The following PROKR2 variants were observed in gnomAD, a reference collection of about 807,000 sequenced individuals.
PROKR2 encodes the protein prokineticin receptor 2.
PROKR2 carries 26 observed loss-of-function variants against 23.4 expected under a neutral mutation model. That is an observed-to-expected ratio of 1.11 (90% CI 0.81 to 1.54). PROKR2 has a LOEUF of 1.54. PROKR2 is among the 40% of genes most tolerant of loss of function. PROKR2 has a pLI of 0.00. For synonymous variants in PROKR2, 212 were observed against 201.2 expected (o/e 1.05, Z -0.45); for missense variants, 453 against 511.5 (o/e 0.89, Z 1.10).
At chr20:5,310,415 C>T (rs1020004965) in intron 2 of PROKR2, among the ~76,000 whole-genome samples, 6 of 152,158 alleles carry the variant, frequency 3.9e-5, no homozygotes, top group Admixed American at 1.3e-4. Flanking sequence ...TCCCACCCTA[C>T]ATGTGTTAGG....
rs550790361 is a variant in PROKR2, at chr20:5,300,610, T to C, written c.*1430A>G. 6.6e-6 allele frequency among the ~76,000 whole-genome samples: 1 copy of C among 152,344 alleles called. No individual in the cohort carries two copies. The highest frequency in any genetic ancestry group is 2.4e-5 in the African/African-American group (1 of 41,578). The stretch of plus-strand genomic sequence containing the variant: ...AGTCTTGCAAGGTATGAAGAGCGGA[T>C]ATTTTCATCATCGCCATTTCATTAA... On this transcript the variant is annotated 3_prime_UTR_variant, in exon 3 of 3. Coordinates refer to ENST00000678254, the MANE Select transcript of PROKR2 (RefSeq NM_144773.4).
At chr20:5,314,858 A>G (rs1287539625) in intron 1 of PROKR2, among the ~76,000 whole-genome samples, 1 of 152,208 alleles carries the variant, frequency 6.6e-6, no homozygotes, top group African/African-American at 2.4e-5. Flanking sequence ...TGAGCTGGCC[A>G]GGCTCCTACA....
chr20:5,309,344 C>A (rs1316308002), intron 2 of PROKR2, among the ~76,000 whole-genome samples: 3 of 152,176 alleles, frequency 2.0e-5, no homozygotes, highest in African/African-American at 7.2e-5. Flanking sequence ...AAGATGTTGG[C>A]AAGGCAGCAT....
rs751081663 is a variant in PROKR2 at position 5,314,113 on chromosome 20, T to C, written c.257A>G (p.Asn86Ser). The change falls in exon 2 of 3, where the codon AAC becomes AGC. Residue 86 changes from asparagine (N) to serine (S), a missense_variant. Transcript: ENST00000678254. ...AALTRYKKLR[N>S]LTNLLIANLA... ...GTTGGCAATGAGCAGATTGGTGAGGTTGCGCAACTTCTTATAGCGGGTGAG... is the reference window on the plus strand; with the variant it reads ...GTTGGCAATGAGCAGATTGGTGAGGCTGCGCAACTTCTTATAGCGGGTGAG... 3 of 1,614,024 alleles carry C rather than the reference T, an allele frequency of 1.9e-6. No homozygotes were observed. Among genetic ancestry groups the C allele is most frequent in the South Asian group, 2.2e-5 (2 of 91,070 alleles).
intron 2 of PROKR2, among the ~76,000 whole-genome samples, chr20:5,309,287 G>A (rs150580447): frequency 3.9e-5 from 6 of 152,240 alleles, no homozygotes; most frequent in Admixed American, 6.5e-5. Context: ...ATTATGTTAC[G>A]GTTTTGGAGG....
intron 2 of PROKR2, 77 bp downstream of exon 2, chr20:5,313,835 G>C: frequency 8.2e-7 from 1 of 1,226,640 alleles, no homozygotes. Flanking sequence ...CTGGAGCAAT[G>C]TCAGCCTGTC....
chr20:5,304,171 G>A (rs1055582080), intron 2 of PROKR2, among the ~76,000 whole-genome samples: 2 of 152,136 alleles, frequency 1.3e-5, no homozygotes, highest in Non-Finnish European at 2.9e-5. Context: ...CACTTCAAGC[G>A]ACTGCTCTTA....
rs562925694 is a variant in PROKR2 at position 5,316,683 on chromosome 20, C to G, written c.-198G>C. Among the ~76,000 whole-genome samples the G allele has an allele frequency of 1.3e-5, 2 of 152,368 alleles. No homozygotes were observed. The highest frequency in any genetic ancestry group is 2.1e-4 in the South Asian group (1 of 4,830). Reference sequence around the variant, plus strand: ...GCGGGCTCCTCCGGCGTGTCAGGGTCTCTGGGTTCCAGCTGGAGTTGGCGC... The same window carrying G: ...GCGGGCTCCTCCGGCGTGTCAGGGTGTCTGGGTTCCAGCTGGAGTTGGCGC... On this transcript the variant is annotated 5_prime_UTR_variant, in exon 1 of 3. Coordinates refer to ENST00000678254, the MANE Select transcript of PROKR2 (RefSeq NM_144773.4). This position sits in a 1 kb window ranked among gnomAD's most constrained non-coding sequence, Gnocchi z 5.0.
In PROKR2 at chr20:5,302,497, A is replaced by G; in HGVS notation, c.698T>C (p.Val233Ala). 1 of 1,614,244 alleles carries G rather than the reference A, an allele frequency of 6.2e-7. No homozygotes were observed. Among genetic ancestry groups the G allele is most frequent in the Middle Eastern group, 1.6e-4 (1 of 6,062 alleles). The change falls in exon 3 of 3, where the codon GTG (valine) becomes GCG (alanine). Residue 233 changes from valine to alanine, a missense_variant. Coordinates refer to ENST00000678254, the MANE Select transcript of PROKR2 (RefSeq NM_144773.4). ...CAGGGTCATGGTGACCACAGGGCCC[A>G]CGAACTCGACACCAAAGATGAAGAG... ...YFLFIFGVEF[V>A]GPVVTMTLCY...
chr20:5,304,873 C>T (rs1213493266), intron 2 of PROKR2, among the ~76,000 whole-genome samples: 1 of 152,128 alleles, frequency 6.6e-6, no homozygotes, highest in Non-Finnish European at 1.5e-5. Context: ...AGGGAAAGCA[C>T]ATTTAGTTGA....
chr20:5,306,304 A>G (rs1467774611), intron 2 of PROKR2, among the ~76,000 whole-genome samples: 1 of 152,228 alleles, frequency 6.6e-6, no homozygotes, highest in Non-Finnish European at 1.5e-5. Flanking sequence ...GTAAATGGAG[A>G]ATGTTAACTG....
rs1262847493 is a variant in PROKR2 at position 5,299,786 on chromosome 20, G to A, written c.*2254C>T. ...ACCACAGGCATGTGCCACCACGCCA[G>A]CTAATTTCTGTATTTTTCTAGAGAT... On this transcript the variant is annotated 3_prime_UTR_variant, in exon 3 of 3. Transcript: ENST00000678254. Among the ~76,000 whole-genome samples, 2 of 132,844 alleles carry A rather than the reference G, an allele frequency of 1.5e-5. No individual in the cohort carries two copies. Among genetic ancestry groups the A allele is most frequent in the Non-Finnish European group, 3.2e-5 (2 of 61,640 alleles). The allele number at this position is 132,844 out of a possible 152,430, so 87.2% of individuals were successfully genotyped here.
intron 2 of PROKR2, among the ~76,000 whole-genome samples, chr20:5,305,549 G>T (rs1478544828): frequency 1.3e-5 from 2 of 152,142 alleles, no homozygotes; most frequent in Non-Finnish European, 2.9e-5. Context: ...GCTCCTGATT[G>T]TGCCGTATGT....
chr20:5,314,473 TG>T lies in PROKR2; in HGVS notation c.-8-97del, dbSNP rs1979581069. 3.0e-6 allele frequency: 3 copies of T among 994,960 alleles called. No homozygotes were observed. In the Admixed American group the frequency reaches 5.8e-5, roughly 19 times the overall value. 61.6% of individuals were successfully genotyped at this position (994,960 alleles called of 1,614,324 possible). The stretch of plus-strand genomic sequence containing the variant: ...GAGCCTAGCACCCTGCCCACATCCT[TG>T]GGGAGAGTTGACTCACCGTCCTGGA... On this transcript the variant is annotated intron_variant, in intron 1 of 2. Coordinates refer to ENST00000678254, the MANE Select transcript of PROKR2 (RefSeq NM_144773.4).
chr20:5,302,324 A>C lies in PROKR2; in HGVS notation c.871T>G (p.Phe291Val). The C allele has an allele frequency of 6.2e-7, 1 of 1,614,250 alleles. No homozygotes were observed. Among genetic ancestry groups the C allele is most frequent in the African/African-American group, 1.3e-5 (1 of 75,058 alleles). The change falls in exon 3 of 3, where the codon TTC (phenylalanine) becomes GTC (valine). Residue 291 changes from phenylalanine (F) to valine (V), a missense_variant. Phe to Val is a conservative substitution (Grantham distance 50). Transcript: ENST00000678254. ...TCACGAACGATGGTGAAACCGTAGA[A>C]GGGTGCCCAGCACAGCACATAGGCC... ...LTAYVLCWAP[F>V]YGFTIVRDFF...
intron 2 of PROKR2, among the ~76,000 whole-genome samples, chr20:5,303,069 G>A (rs1252894399): frequency 6.6e-6 from 1 of 152,196 alleles, no homozygotes; most frequent in Non-Finnish European, 1.5e-5. Flanking sequence ...CAGGGCTACT[G>A]TGAACACTAA....
rs753089596 is a variant in PROKR2, at chr20:5,302,125, C to T, written c.1070G>A (p.Arg357Gln). Residue 357 changes from arginine to glutamine, a missense_variant, in exon 3 of 3, where the codon CGG becomes CAG. Transcript: ENST00000678254. ...MMLLHWRPSQ[R>Q]GSKSSADLDL... is the part of the protein sequence containing the mutation. ...AAGGTCAGCACTGGACTTGCTCCCC[C>T]GCTGGGAGGGACGCCAGTGCAGCAG... 13 of 1,614,072 alleles carry T rather than the reference C, an allele frequency of 8.1e-6. No individual in the cohort carries two copies. The highest frequency in any genetic ancestry group is 5.5e-5 in the South Asian group (5 of 91,082).
intron 1 of PROKR2, 122 bp from the exon 2 acceptor site, chr20:5,314,499 A>T (rs1311552760): frequency 1.2e-6 from 1 of 822,266 alleles, no homozygotes. Context: ...ACCGTCCTGG[A>T]TCCTGGAAGG....
At chr20:5,312,647 A>G (rs1255823621) in intron 2 of PROKR2, among the ~76,000 whole-genome samples, 1 of 152,232 alleles carries the variant, frequency 6.6e-6, no homozygotes, top group East Asian at 1.9e-4. Flanking sequence ...TAAAGAGAAA[A>G]AATCTAAGCA....
Sources: allele counts gnomAD v4.1 joint callset (sites outside exome capture counted in the v4.1 genomes callset), GRCh38; gene constraint gnomAD v4.1.1; non-coding constraint Gnocchi (gnomAD v3.1); transcripts MANE v1.5; gene names NCBI Gene and HGNC (gene_info 2026-07-23, HGNC 2026-07-21).